The following MBNL3 variants were observed in gnomAD, a reference collection of about 807,000 sequenced individuals.
MBNL3 encodes muscleblind like splicing regulator 3, also known as muscleblind-like protein 3.
A neutral mutation model predicts 24.5 loss-of-function variants in MBNL3; 6 were observed. The observed-to-expected ratio is 0.25, with a 90% confidence interval of 0.13 to 0.48. The LOEUF (loss-of-function observed/expected upper bound fraction) is 0.48, where lower values mean the gene tolerates loss of function less well. Ranked by LOEUF, MBNL3 falls within the 20% of genes least tolerant of loss-of-function variation. The probability of loss-of-function intolerance (pLI) is 0.99; values close to 1 mark genes in which losing one functional copy is unlikely to be tolerated. For synonymous variants in MBNL3, 100 were observed against 101.7 expected (o/e 0.98, Z 0.10); for missense variants, 230 against 293.5 (o/e 0.78, Z 1.58).
Position 132,439,527 on chromosome X carries a change from A to G in MBNL3, c.85T>C (p.Ser29Pro). The change falls in exon 2 of 9, where the codon TCT becomes CCT. Residue 29 changes from serine (S) to proline (P), a missense_variant. Physicochemically the swap from Ser to Pro is moderately conservative, Grantham distance 74 (BLOSUM62 -1). Transcript: ENST00000370853. ...VCREFQRGTCSRADADCKFAH... is the reference protein window; with the variant it reads ...VCREFQRGTCPRADADCKFAH... ...AACTTGCAATCTGCATCAGCTCGAG[A>G]GCAAGTTCCTCTCTGAAATTCTCTA... The G allele has an allele frequency of 2.5e-6, 3 of 1,210,141 alleles. No individual in the cohort carries two copies. Among genetic ancestry groups the G allele is most frequent in the Non-Finnish European group, 3.4e-6 (3 of 894,808 alleles).
chrX:132,484,217 A>G (rs762868351), intron 1 of MBNL3, among the ~76,000 whole-genome samples: 6 of 111,921 alleles, frequency 5.4e-5, no homozygotes, highest in Non-Finnish European at 7.5e-5. Flanking sequence ...CTAGCAGAAC[A>G]GTCATTCAAT....
intron 1 of MBNL3, among the ~76,000 whole-genome samples, chrX:132,449,464 C>CTTTTTTTTTTTTT (rs751006249): frequency 2.7e-4 from 8 of 29,785 alleles, no homozygotes; most frequent in East Asian, 1.2e-3. Context: ...GCAACCCCTG[C>CTTTTTTTTTTTTT]TTTTTTTTTT....
In MBNL3 at chrX:132,382,372, C is replaced by T. The variant is rs1935154979; in HGVS notation, c.959-100G>A. On this transcript the variant is annotated intron_variant, in intron 7 of 8. Coordinates refer to ENST00000370853, the MANE Select transcript of MBNL3 (RefSeq NM_001386889.1). ...TGAGGTGTGGTAGGTATCACAGCAA[C>T]AAGCCATGTGACATCATAACGATGA... is the stretch of plus-strand genomic sequence containing the variant. 6 of 623,021 alleles carry T rather than the reference C, an allele frequency of 9.6e-6. No individual in the cohort carries two copies. The African/African-American group carries it at 1.1e-4, about 11-fold the overall frequency. 51.3% of individuals were successfully genotyped at this position (623,021 alleles called of 1,213,427 possible).
chrX:132,425,818 A>AT (rs1409690812), intron 2 of MBNL3, among the ~76,000 whole-genome samples: 2 of 112,016 alleles, frequency 1.8e-5, no homozygotes, highest in Non-Finnish European at 3.8e-5. Flanking sequence ...CCACTAAGTA[A>AT]TTTTTTAAAA....
intron 3 of MBNL3, among the ~76,000 whole-genome samples, chrX:132,404,133 A>T (rs1402427484): frequency 3.6e-5 from 4 of 111,493 alleles, no homozygotes; most frequent in Non-Finnish European, 7.5e-5. Flanking sequence ...ATTTCACTTG[A>T]CATAATGCCT....
At chrX:132,442,903 G>A (rs1037768986) in intron 1 of MBNL3, among the ~76,000 whole-genome samples, 1 of 112,074 alleles carries the variant, frequency 8.9e-6, no homozygotes, top group Non-Finnish European at 1.9e-5. Flanking sequence ...ACTCAAGGGA[G>A]CTGGCGCAAA....
chrX:132,398,413 G>A lies in MBNL3; in HGVS notation c.343-6079C>T, dbSNP rs774702728. 5.4e-5 allele frequency among the ~76,000 whole-genome samples: 6 copies of A among 111,572 alleles called. No individual in the cohort carries two copies. In the East Asian group the frequency reaches 1.1e-3, roughly 21 times the overall value. ...ACCTAAAAATTTGTTGGTGACCACC[G>A]TGTAATAATAATGGCAATTCAATTA... On this transcript the variant is annotated intron_variant, in intron 3 of 8. Coordinates refer to ENST00000370853, the MANE Select transcript of MBNL3 (RefSeq NM_001386889.1).
chrX:132,422,713 T>C (rs1943939371), intron 2 of MBNL3, among the ~76,000 whole-genome samples: 1 of 111,761 alleles, frequency 8.9e-6, no homozygotes, highest in African/African-American at 3.3e-5. Context: ...ATCCTGAGAA[T>C]TATGAAGCTT....
intron 3 of MBNL3, among the ~76,000 whole-genome samples, chrX:132,404,496 G>A (rs1017508704): frequency 8.9e-6 from 1 of 112,244 alleles, no homozygotes; most frequent in Non-Finnish European, 1.9e-5. Flanking sequence ...GGTCAAAGAG[G>A]AGCTTTGAGG....
chrX:132,430,054 G>A (rs1321702254), intron 2 of MBNL3: 1 of 110,824 alleles, frequency 9.0e-6, no homozygotes, highest in Non-Finnish European at 1.9e-5. Context: ...CTGAGTCATC[G>A]AACTTTTGGT....
chrX:132,446,413 C>A lies in MBNL3; in HGVS notation c.-703-6099G>T, dbSNP rs751810933. Among the ~76,000 whole-genome samples, 9 of 112,195 alleles carry A rather than the reference C, an allele frequency of 8.0e-5. No homozygotes were observed. The South Asian group carries it at 1.1e-3, about 14-fold the overall frequency. ...TTGAACTAATTTACACATCCACCAA[C>A]AGTGAAAAAGCATTCCTATTTCTCC... On this transcript the variant is annotated intron_variant, in intron 1 of 8. Coordinates refer to ENST00000370853, the MANE Select transcript of MBNL3 (RefSeq NM_001386889.1).
chrX:132,439,753 T>TCAACATTAAAGTCA lies in MBNL3; in HGVS notation c.-143_-142insTGACTTTAATGTTG. ...AAATGTCTATTTGTTAACACTTAGG[T>TCAACATTAAAGTCA]TTTCATTAAAGTCAAATCTGGTCTA... On this transcript the variant is annotated 5_prime_UTR_variant, in exon 2 of 9. It adds an upstream start codon to the 5' untranslated region. Coordinates refer to ENST00000370853, the MANE Select transcript of MBNL3 (RefSeq NM_001386889.1). 1 of 910,624 alleles carries TCAACATTAAAGTCA rather than the reference T, an allele frequency of 1.1e-6. No individual in the cohort carries two copies. Among genetic ancestry groups the TCAACATTAAAGTCA allele is most frequent in the South Asian group, 5.1e-5 (1 of 19,772 alleles). The allele number at this position is 910,624 out of a possible 1,213,427, so 75.0% of individuals were successfully genotyped here.
In MBNL3 at chrX:132,420,452, A is replaced by G. The variant is rs959404119; in HGVS notation, c.178-14060T>C. On this transcript the variant is annotated intron_variant, in intron 2 of 8. Coordinates refer to ENST00000370853, the MANE Select transcript of MBNL3 (RefSeq NM_001386889.1). ...GCAAGATTTAATAGAGTGAAAACAG[A>G]GCTCCCATAAAATGGGAGGGGACCC... Among the ~76,000 whole-genome samples the G allele has an allele frequency of 3.6e-5, 4 of 111,174 alleles. No homozygotes were observed. In the East Asian group the frequency reaches 1.1e-3, roughly 32 times the overall value.
intron 2 of MBNL3, chrX:132,430,699 C>T (rs1284658081): frequency 8.9e-6 from 1 of 112,036 alleles, no homozygotes; most frequent in Non-Finnish European, 1.9e-5. Context: ...TCTTATCACT[C>T]ATTATGTTAA....
intron 1 of MBNL3, among the ~76,000 whole-genome samples, chrX:132,455,980 G>C (rs1439007282): frequency 3.6e-5 from 4 of 111,694 alleles, no homozygotes; most frequent in Admixed American, 2.9e-4. Context: ...TCTACTACAA[G>C]TTGTCCAAAC....
At chrX:132,422,073 A>G (rs954055024) in intron 2 of MBNL3, among the ~76,000 whole-genome samples, 1 of 111,015 alleles carries the variant, frequency 9.0e-6, no homozygotes, top group South Asian at 3.8e-4. Context: ...TTAATAGGCT[A>G]ACCTTATGGA....
chrX:132,417,033 A>T (rs1216074440), intron 2 of MBNL3, among the ~76,000 whole-genome samples: 1 of 112,130 alleles, frequency 8.9e-6, no homozygotes, highest in Non-Finnish European at 1.9e-5. Context: ...TTGGGATGAA[A>T]TGTTTCAGAT....
chrX:132,421,941 A>C (rs1002371990), intron 2 of MBNL3, among the ~76,000 whole-genome samples: 4 of 112,109 alleles, frequency 3.6e-5, no homozygotes, highest in Admixed American at 1.9e-4. Context: ...TATTAAAAAA[A>C]AATTGTAGCG....
chrX:132,392,111 C>T, intron 4 of MBNL3, 32 bp downstream of exon 4: 1 of 1,101,324 alleles, frequency 9.1e-7, no homozygotes, highest in Non-Finnish European at 1.2e-6. Flanking sequence ...AATATCTATT[C>T]TACAGGTATT....
Sources: gnomAD v4.1 joint callset for allele counts (sites outside exome capture counted in the v4.1 genomes callset) on GRCh38, gnomAD v4.1.1 for gene constraint, MANE v1.5 for transcripts, NCBI Gene and HGNC (gene_info 2026-07-23, HGNC 2026-07-21) for gene names.